Variants in CATSPERB observed in about 807,000 individuals in gnomAD.
The protein encoded by CATSPERB is cation channel sperm-associated auxiliary subunit beta.
In CATSPERB, 93 loss-of-function variants were observed where a neutral mutation model predicts 128.3. The observed-to-expected ratio is 0.72, with a 90% CI of 0.61 to 0.86. The LOEUF (loss-of-function observed/expected upper bound fraction) is 0.86. Among genes scored for constraint, CATSPERB ranks in the 40% least tolerant of loss-of-function variants. The pLI, the probability that CATSPERB is intolerant of heterozygous loss-of-function variation, is 0.00. For synonymous variants in CATSPERB, 381 were observed against 448.8 expected, an observed-to-expected ratio of 0.85 and a Z score of 1.91; for missense variants, 1,153 against 1,329.5, an observed-to-expected ratio of 0.87 and a Z score of 2.06.
intron 3 of CATSPERB, among the ~76,000 whole-genome samples, chr14:91,724,167 T>C (rs1896081766): frequency 6.6e-6 from 1 of 152,188 alleles, no homozygotes; most frequent in Admixed American, 6.5e-5. Context: ...CTAGAACTAC[T>C]ATACTACAAC....
In CATSPERB at chr14:91,655,339, T is replaced by C. The variant is rs367688220; in HGVS notation, c.1432+4498A>G. ...ACATGACCTCACCAAAGGAACAAAA[T>C]AAGGCACCAGAGACCGATCTTGGAG... On this transcript the variant is annotated intron_variant, in intron 15 of 26. Transcript: ENST00000256343. 1.1e-4 allele frequency among the ~76,000 whole-genome samples: 16 copies of C among 152,194 alleles called. No homozygotes were observed. The East Asian group carries it at 1.2e-3, about 11-fold the overall frequency.
chr14:91,626,630 C>T (rs958071643), intron 17 of CATSPERB, among the ~76,000 whole-genome samples: 4 of 152,172 alleles, frequency 2.6e-5, no homozygotes, highest in South Asian at 2.1e-4. Flanking sequence ...GCTTCATATG[C>T]GTGCTCACAT....
intron 10 of CATSPERB, among the ~76,000 whole-genome samples, chr14:91,689,224 A>G (rs942010237): frequency 4.9e-4 from 74 of 152,276 alleles, no homozygotes; most frequent in African/African-American, 1.7e-3. Flanking sequence ...ACCCTTCCCT[A>G]GGATTTCGCG....
At chr14:91,601,887 T>A (rs1052054188) in intron 22 of CATSPERB, among the ~76,000 whole-genome samples, 4 of 152,110 alleles carry the variant, frequency 2.6e-5, no homozygotes, top group Non-Finnish European at 4.4e-5. Context: ...AAATCAATAG[T>A]ACAGCTTGCA....
intron 22 of CATSPERB, among the ~76,000 whole-genome samples, chr14:91,605,795 G>A (rs1893690569): frequency 6.6e-6 from 1 of 152,156 alleles, no homozygotes. Flanking sequence ...TCTTGACTCA[G>A]AAGCATTTCC....
intron 26 of CATSPERB, among the ~76,000 whole-genome samples, chr14:91,585,841 G>T (rs1041090250): frequency 6.6e-6 from 1 of 152,142 alleles, no homozygotes. Flanking sequence ...GGACATTTTT[G>T]ATGTTATGTT....
At chr14:91,655,728 A>G (rs1343766269) in intron 15 of CATSPERB, among the ~76,000 whole-genome samples, 2 of 152,220 alleles carry the variant, frequency 1.3e-5, no homozygotes, top group African/African-American at 2.4e-5. Flanking sequence ...TCTAAGAGTT[A>G]TTGGCCTTAA....
Position 91,723,116 on chromosome 14 carries a change from C to A in CATSPERB, c.242G>T (p.Gly81Val). The stretch of plus-strand genomic sequence containing the variant: ...CATGATTCCCAAGCTGGGAGCAAGT[C>A]CTCCTGATGTGAACACACTTAGCAT... ...KAMLSVFTSG[G>V]LAPSLGIMNS... The change falls in exon 4 of 27, where the codon GGA (glycine) becomes GTA (valine). Residue 81 changes from glycine to valine, a missense_variant. Gly to Val is a moderately radical substitution (Grantham distance 109). Coordinates refer to ENST00000256343, the MANE Select transcript of CATSPERB (RefSeq NM_024764.4). The A allele has an allele frequency of 6.4e-7, 1 of 1,561,304 alleles. No homozygotes were observed. The highest frequency in any genetic ancestry group is 8.7e-7 in the Non-Finnish European group (1 of 1,153,414).
chr14:91,677,750 A>G (rs147973452), intron 11 of CATSPERB, among the ~76,000 whole-genome samples: 65 of 152,356 alleles, frequency 4.3e-4, no homozygotes, highest in African/African-American at 1.4e-3. Flanking sequence ...ATAAAGGCAC[A>G]TGCGCATTTG....
At chr14:91,587,088 C>T (rs927868165) in intron 26 of CATSPERB, 114 bp downstream of exon 26, 6 of 746,834 alleles carry the variant, frequency 8.0e-6, no homozygotes, top group African/African-American at 7.2e-5. Flanking sequence ...TGTCTTTAAG[C>T]CTTGTCCATC....
intron 11 of CATSPERB, among the ~76,000 whole-genome samples, chr14:91,683,212 G>A (rs747196151): frequency 8.5e-5 from 13 of 152,070 alleles, no homozygotes; most frequent in African/African-American, 2.4e-4. Context: ...TAATGCTCCC[G>A]CAAATTCCTA....
chr14:91,626,490 T>G (rs1041954601), intron 17 of CATSPERB, among the ~76,000 whole-genome samples: 1 of 151,924 alleles, frequency 6.6e-6, no homozygotes, highest in Non-Finnish European at 1.5e-5. Context: ...CATGAGGCTT[T>G]GCCCTCACGA....
At position 91,729,392 on chromosome 14, in the gene CATSPERB, G is replaced by A; in HGVS notation, c.79+9C>T. ...AAGGAAATAGAGAGTAAGATGGTCT[G>A]AAACTTACCTTTATTATATACTATT... On this transcript the variant is annotated intron_variant, in intron 2 of 26. Coordinates refer to ENST00000256343, the MANE Select transcript of CATSPERB (RefSeq NM_024764.4). The A allele has an allele frequency of 7.7e-7, 1 of 1,292,176 alleles. No individual in the cohort carries two copies. The allele number at this position is 1,292,176 out of a possible 1,614,324, so 80.0% of individuals were successfully genotyped here. A position where few individuals can be genotyped will look rare whatever the true frequency, so the allele number is the denominator to read the frequency against.
At chr14:91,692,255 C>G (rs1456445966) in intron 9 of CATSPERB, among the ~76,000 whole-genome samples, 2 of 151,986 alleles carry the variant, frequency 1.3e-5, no homozygotes, top group Non-Finnish European at 2.9e-5. Context: ...AAGGCACACC[C>G]TCAACCTATT....
In CATSPERB at chr14:91,608,389, G is replaced by A. The variant is rs1893754474; in HGVS notation, c.2614C>T (p.Pro872Ser). The change falls in exon 22 of 27, where the codon CCA (proline) becomes TCA (serine). Residue 872 changes from proline to serine, a missense_variant. By Grantham distance (74) the Pro-to-Ser change is moderately conservative. Transcript: ENST00000256343. ...IKTLPINYRP[P>S]SNMGIAIPLT... ...GGAATAGCAATTCCCATATTAGATG[G>A]AGGCCTGTAGTTTATCTGCAAGTGA... The A allele has an allele frequency of 1.3e-6, 2 of 1,591,568 alleles. No homozygotes were observed. Among genetic ancestry groups the A allele is most frequent in the Admixed American group, 1.7e-5 (1 of 59,832 alleles).
Position 91,599,486 on chromosome 14 carries a change from G to A in CATSPERB, c.2710-7484C>T, listed in dbSNP as rs557000581. ...AGGCAGGAGAATGGCGTGAACCTGG[G>A]AAGCGGAGCTTGCAGTGAGCTGAGA... On this transcript the variant is annotated intron_variant, in intron 22 of 26. Coordinates refer to ENST00000256343, the MANE Select transcript of CATSPERB (RefSeq NM_024764.4). 2.6e-3 allele frequency among the ~76,000 whole-genome samples: 384 copies of A among 150,570 alleles called. 1 individual carries two copies. The highest frequency in any genetic ancestry group is 6.9e-3 in the Middle Eastern group (2 of 290).
At chr14:91,595,138 ATTT>A (rs1893480736) in intron 22 of CATSPERB, among the ~76,000 whole-genome samples, 1 of 152,118 alleles carries the variant, frequency 6.6e-6, no homozygotes, top group Admixed American at 6.5e-5. Flanking sequence ...CCAGTTTCCC[ATTT>A]TTACTAAAGA....
intron 4 of CATSPERB, 58 bp downstream of exon 4, chr14:91,722,991 A>G (rs1254992342): frequency 7.7e-7 from 1 of 1,305,998 alleles, no homozygotes; most frequent in African/African-American, 1.5e-5. Context: ...TACATCCTAT[A>G]AGGAAGAGTA....
chr14:91,588,446 C>T (rs989790671), intron 24 of CATSPERB, among the ~76,000 whole-genome samples: 8 of 152,020 alleles, frequency 5.3e-5, no homozygotes, highest in South Asian at 2.1e-4. Flanking sequence ...GCACGTGCTT[C>T]GTGTTTTTGG....
Sources: allele counts gnomAD v4.1 joint callset (sites outside exome capture counted in the v4.1 genomes callset), GRCh38; gene constraint gnomAD v4.1.1; transcripts MANE v1.5; gene names NCBI Gene and HGNC (gene_info 2026-07-23, HGNC 2026-07-21).